Variants in FBXW8 observed in about 807,000 individuals in gnomAD.
FBXW8 encodes the protein F-box and WD repeat domain containing 8.
FBXW8 carries 57 observed loss-of-function variants against 65.3 expected under a neutral mutation model. The observed-to-expected ratio is 0.87, with a 90% CI of 0.71 to 1.09. FBXW8 has a LOEUF of 1.09. FBXW8 is among the 50% of genes least tolerant of loss of function. The pLI is 0.00. For synonymous variants in FBXW8, 308 were observed against 330.2 expected (o/e 0.93, Z 0.73); for missense variants, 777 against 814.8 (o/e 0.95, Z 0.57).
intron 4 of FBXW8, among the ~76,000 whole-genome samples, chr12:116,953,325 G>A (rs1384849035): frequency 6.6e-6 from 1 of 152,222 alleles, no homozygotes; most frequent in Non-Finnish European, 1.5e-5. Flanking sequence ...GGCTGGGTGT[G>A]CGTGAGTGGA....
intron 4 of FBXW8, among the ~76,000 whole-genome samples, chr12:116,957,020 A>G (rs548717250): frequency 2.0e-5 from 3 of 152,150 alleles, no homozygotes; most frequent in African/African-American, 4.8e-5. Context: ...GCTTTTAGCT[A>G]TGTTGTCCTC....
chr12:117,011,142 T>TTTTTTTG, intron 8 of FBXW8, among the ~76,000 whole-genome samples: 1 of 147,872 alleles, frequency 6.8e-6, no homozygotes, highest in East Asian at 2.0e-4. Flanking sequence ...TTTTTTTTTT[T>TTTTTTTG]GGCCAGTTAT....
intron 7 of FBXW8, among the ~76,000 whole-genome samples, chr12:116,994,112 TTA>T (rs1340736108): frequency 1.3e-5 from 2 of 152,194 alleles, no homozygotes; most frequent in African/African-American, 4.8e-5. Context: ...TGACTTCAAA[TTA>T]TACTACAAGG....
chr12:117,016,773 T>G (rs977768989), intron 8 of FBXW8, among the ~76,000 whole-genome samples: 2 of 152,292 alleles, frequency 1.3e-5, no homozygotes, highest in Non-Finnish European at 1.5e-5. Context: ...GCTCTTACAC[T>G]GAGGTCTGTG....
chr12:117,007,457 A>G (rs1052699491), intron 7 of FBXW8, among the ~76,000 whole-genome samples: 1 of 152,242 alleles, frequency 6.6e-6, no homozygotes, highest in Non-Finnish European at 1.5e-5. Context: ...GTTTTAGCTA[A>G]TTCTTACAGA....
intron 1 of FBXW8, 133 bp downstream of exon 1, chr12:116,911,488 A>ATTGG: frequency 5.4e-6 from 3 of 556,614 alleles, no homozygotes; most frequent in African/African-American, 1.9e-5. Flanking sequence ...ACAAACACCA[A>ATTGG]TGTTTGTGCT....
chr12:116,959,813 A>G (rs918487373), intron 4 of FBXW8, among the ~76,000 whole-genome samples: 2 of 152,154 alleles, frequency 1.3e-5, no homozygotes, highest in Non-Finnish European at 2.9e-5. Flanking sequence ...TCTCTGACCT[A>G]TTTATTTAGA....
chr12:117,010,086 G>T (rs1953767258), intron 7 of FBXW8, among the ~76,000 whole-genome samples: 1 of 152,136 alleles, frequency 6.6e-6, no homozygotes. Context: ...TGTGCACCTT[G>T]GCTTGAGGAA....
chr12:116,950,892 G>T (rs570962074), intron 4 of FBXW8: 1 of 152,216 alleles, frequency 6.6e-6, no homozygotes, highest in Admixed American at 6.5e-5. Flanking sequence ...ACTCCGGAAG[G>T]TACTTAGATC....
At chr12:117,009,052 AGT>A (rs1369071466) in intron 7 of FBXW8, among the ~76,000 whole-genome samples, 1 of 152,092 alleles carries the variant, frequency 6.6e-6, no homozygotes, top group Non-Finnish European at 1.5e-5. Context: ...TGGGCGATAG[AGT>A]GAGACTCAGT....
intron 7 of FBXW8, among the ~76,000 whole-genome samples, chr12:116,991,654 G>T (rs1042809137): frequency 6.6e-6 from 1 of 152,150 alleles, no homozygotes; most frequent in Admixed American, 6.5e-5. Context: ...CTGTGCCTCT[G>T]GCCTGTATAT....
At chr12:116,932,335 T>G (rs2137317571) in intron 2 of FBXW8, among the ~76,000 whole-genome samples, 1 of 152,310 alleles carries the variant, frequency 6.6e-6, no homozygotes, top group Non-Finnish European at 1.5e-5. Flanking sequence ...GTTTACAGCT[T>G]CAAGAGCAAG....
chr12:117,014,363 A>AT (rs1346353519), intron 8 of FBXW8, among the ~76,000 whole-genome samples: 2 of 152,194 alleles, frequency 1.3e-5, no homozygotes, highest in African/African-American at 4.8e-5. Context: ...ACCTCGTGGA[A>AT]TATAGCTACA....
intron 5 of FBXW8, among the ~76,000 whole-genome samples, chr12:116,967,913 C>A (rs1347187864): frequency 6.6e-6 from 1 of 152,036 alleles, no homozygotes; most frequent in Non-Finnish European, 1.5e-5. Flanking sequence ...ATTACAGGCG[C>A]CTGCCACCAC....
chr12:116,967,349 A>G (rs1884391917), intron 5 of FBXW8, among the ~76,000 whole-genome samples: 2 of 152,178 alleles, frequency 1.3e-5, no homozygotes. Context: ...ACAGTGCTGC[A>G]AGCAATATAC....
Position 116,936,114 on chromosome 12 carries a change from TG to T in FBXW8, c.423+7992del, listed in dbSNP as rs1360017305. Among the ~76,000 whole-genome samples the T allele has an allele frequency of 6.6e-6, 1 of 152,082 alleles. No individual in the cohort carries two copies. Among genetic ancestry groups the T allele is most frequent in the Non-Finnish European group, 1.5e-5 (1 of 68,014 alleles). On this transcript the variant is annotated intron_variant, in intron 2 of 10. Coordinates refer to ENST00000652555, the MANE Select transcript of FBXW8 (RefSeq NM_153348.3). The surrounding 1 kb of genome is among the most constrained non-coding windows in gnomAD (Gnocchi z 4.6). The stretch of plus-strand genomic sequence containing the variant: ...GAAGAACAAGACAGTAGAGGTGATA[TG>T]GGGGTTGCACTTTTGAGTGGCCAGG...
Position 116,939,293 on chromosome 12 carries a change from T to C in FBXW8, c.424-6071T>C, listed in dbSNP as rs112862784. ...GATTTGGGAGACTCAGTCAGAATAA[T>C]GCAAACGTCTGAAATCCAAAATACT... is the stretch of plus-strand genomic sequence containing the variant. On this transcript the variant is annotated intron_variant, in intron 2 of 10. Transcript: ENST00000652555. 2.4e-3 allele frequency among the ~76,000 whole-genome samples: 372 copies of C among 152,326 alleles called. 3 individuals carry two copies. Among genetic ancestry groups the C allele is most frequent in the African/African-American group, 8.6e-3 (359 of 41,578 alleles).
intron 4 of FBXW8, among the ~76,000 whole-genome samples, chr12:116,955,040 G>GC (rs928963193): frequency 4.8e-4 from 72 of 151,394 alleles, no homozygotes; most frequent in South Asian, 1.9e-3. Context: ...TTGAAATGGG[G>GC]GGGGGGGGCC....
At chr12:116,914,487 T>G (rs1039428571) in intron 1 of FBXW8, among the ~76,000 whole-genome samples, 1 of 145,964 alleles carries the variant, frequency 6.9e-6, no homozygotes, top group Non-Finnish European at 1.5e-5. Context: ...GTGGGAGGAT[T>G]GATTGAGGCC....
Sources: allele counts gnomAD v4.1 joint callset (sites outside exome capture counted in the v4.1 genomes callset), GRCh38; gene constraint gnomAD v4.1.1; non-coding constraint Gnocchi (gnomAD v3.1); transcripts MANE v1.5; gene names NCBI Gene and HGNC (gene_info 2026-07-23, HGNC 2026-07-21).